The following ZNF280C variants were observed in gnomAD, a reference collection of about 807,000 sequenced individuals.
ZNF280C encodes the protein zinc finger protein 280C.
Under a neutral mutation model 53.6 loss-of-function variants are expected in ZNF280C, and 14 were observed. That is an observed-to-expected ratio of 0.26 (90% confidence interval 0.17 to 0.41). The LOEUF (loss-of-function observed/expected upper bound fraction) is 0.41. Ranked by LOEUF, ZNF280C falls within the 10% of genes least tolerant of loss-of-function variation. The probability of loss-of-function intolerance (pLI) is 1.00; values close to 1 mark genes in which losing one functional copy is unlikely to be tolerated. For missense variants in ZNF280C, 416 were observed against 547.1 expected (o/e 0.76, Z 2.39); for synonymous variants, 203 against 181.1 (o/e 1.12, Z -0.97).
chrX:130,211,291 A>T (rs1298820528), intron 15 of ZNF280C, among the ~76,000 whole-genome samples: 1 of 112,418 alleles, frequency 8.9e-6, no homozygotes, highest in Non-Finnish European at 1.9e-5. Context: ...CTGATCAGAT[A>T]CTTCACAGAG....
intron 2 of ZNF280C, among the ~76,000 whole-genome samples, chrX:130,251,282 CAAAAAAAAAA>C (rs61571389): frequency 1.3e-4 from 2 of 15,357 alleles, no homozygotes; most frequent in East Asian, 2.2e-3. Context: ...GGACCTGTCT[CAAAAAAAAAA>C]AAAAAAAAAA....
At chrX:130,231,315 C>T (rs766248829) in intron 8 of ZNF280C, among the ~76,000 whole-genome samples, 3 of 111,898 alleles carry the variant, frequency 2.7e-5, no homozygotes, top group Non-Finnish European at 3.8e-5. Context: ...AACCTAGGTG[C>T]CCATCAACAG....
chrX:130,212,007 G>A (rs895636696), intron 15 of ZNF280C, among the ~76,000 whole-genome samples: 1 of 111,824 alleles, frequency 8.9e-6, no homozygotes, highest in African/African-American at 3.3e-5. Flanking sequence ...GCTAGGGTCT[G>A]CTTTAGAGAA....
At chrX:130,252,503 C>T (rs961619549) in intron 2 of ZNF280C, among the ~76,000 whole-genome samples, 5 of 111,166 alleles carry the variant, frequency 4.5e-5, no homozygotes, top group East Asian at 2.8e-4. Context: ...GGGCGGATCA[C>T]GAGGTCAAGA....
intron 16 of ZNF280C, among the ~76,000 whole-genome samples, chrX:130,209,054 C>T (rs187851189): frequency 1.0e-3 from 116 of 112,157 alleles, no homozygotes; most frequent in Non-Finnish European, 1.9e-3. Context: ...GTTGGTCCAA[C>T]ATTATCCACA....
intron 8 of ZNF280C, among the ~76,000 whole-genome samples, chrX:130,232,772 G>A (rs1437144918): frequency 1.8e-5 from 2 of 112,021 alleles, no homozygotes; most frequent in African/African-American, 3.2e-5. Flanking sequence ...GAAGACATGG[G>A]AGGTTTCTCA....
intron 13 of ZNF280C, 64 bp from the exon 14 acceptor site, chrX:130,216,165 CATT>C: frequency 1.0e-6 from 1 of 979,447 alleles, no homozygotes; most frequent in Non-Finnish European, 1.4e-6. Flanking sequence ...TTAAAAATAT[CATT>C]GTAAGCCGTA....
rs376674883 is a variant in ZNF280C, at chrX:130,251,895, C to T, written c.32-4890G>A. On this transcript the variant is annotated intron_variant, in intron 2 of 18. Transcript: ENST00000370978. ...CTGGGAGGCCGGGGTGGGCGGATCA[C>T]TTGATGTCAAGAGTTTAAGACCAGC... 2.7e-4 allele frequency among the ~76,000 whole-genome samples: 30 copies of T among 111,670 alleles called. No homozygotes were observed. The East Asian group carries it at 7.6e-3, about 28-fold the overall frequency.
chrX:130,216,892 C>T (rs989340874), intron 13 of ZNF280C, among the ~76,000 whole-genome samples: 11 of 111,048 alleles, frequency 9.9e-5, no homozygotes, highest in East Asian at 2.8e-4. Flanking sequence ...CCCAGCTACT[C>T]GGGAGGCTGA....
At chrX:130,255,540 A>C in intron 2 of ZNF280C, among the ~76,000 whole-genome samples, 1 of 111,666 alleles carries the variant, frequency 9.0e-6, no homozygotes, top group East Asian at 2.8e-4. Flanking sequence ...AGGAAAATAC[A>C]AAAAAAATTC....
intron 1 of ZNF280C, among the ~76,000 whole-genome samples, chrX:130,261,892 A>G (rs2032634001): frequency 9.0e-6 from 1 of 111,008 alleles, no homozygotes; most frequent in Non-Finnish European, 1.9e-5. Flanking sequence ...AGCACGACTC[A>G]TCATCGCATA....
chrX:130,236,258 T>C lies in ZNF280C; in HGVS notation c.727A>G (p.Asn243Asp). 8.3e-7 allele frequency: 1 copy of C among 1,208,633 alleles called. No homozygotes were observed. The change falls in exon 8 of 19, where the codon AAT (asparagine) becomes GAT (aspartate). Residue 243 changes from asparagine (N) to aspartate (D), a missense_variant. Physicochemically the swap from Asn to Asp is conservative, Grantham distance 23. This residue lies in a region of ZNF280C where 193 missense variants were observed against 201.4 expected (regional missense o/e 0.96). Coordinates refer to ENST00000370978, the MANE Select transcript of ZNF280C (RefSeq NM_017666.5). ...ADYLRACPKC[N>D]VQFNLLDPLK... Reference sequence around the variant, plus strand: ...GGATCCAAAAGATTGAACTGAACATTGCACTTTGGACAAGCTCTTAGGTAA... The same window carrying C: ...GGATCCAAAAGATTGAACTGAACATCGCACTTTGGACAAGCTCTTAGGTAA...
At position 130,258,485 on chromosome X, in the gene ZNF280C, C is replaced by T. The variant is rs780850495; in HGVS notation, c.31+1934G>A. Among the ~76,000 whole-genome samples, 6 of 111,925 alleles carry T rather than the reference C, an allele frequency of 5.4e-5. 1 individual carries two copies. The South Asian group carries it at 2.2e-3, about 41-fold the overall frequency. ...TCTTCTATACAGATATGCCAGATATCATGGCTTGGCATAACATTGTTTGAT... is the reference window on the plus strand; with the variant it reads ...TCTTCTATACAGATATGCCAGATATTATGGCTTGGCATAACATTGTTTGAT... On this transcript the variant is annotated intron_variant, in intron 2 of 18. Transcript: ENST00000370978.
intron 12 of ZNF280C, among the ~76,000 whole-genome samples, chrX:130,226,498 C>A (rs145493068): frequency 9.0e-6 from 1 of 111,534 alleles, no homozygotes; most frequent in African/African-American, 3.3e-5. Context: ...CTATTTCTAG[C>A]TATCTTTCAG....
intron 2 of ZNF280C, among the ~76,000 whole-genome samples, chrX:130,252,621 G>A (rs1337734154): frequency 1.8e-5 from 2 of 110,580 alleles, no homozygotes; most frequent in Non-Finnish European, 3.8e-5. Context: ...TTGGGAGGCT[G>A]AGGCAGGAGA....
intron 16 of ZNF280C, among the ~76,000 whole-genome samples, chrX:130,208,482 GA>G (rs1034698617): frequency 1.8e-5 from 2 of 109,916 alleles, no homozygotes; most frequent in African/African-American, 6.6e-5. Context: ...CACTCAAGTT[GA>G]AAAAAAAGCA....
chrX:130,220,292 C>A (rs868277178), intron 13 of ZNF280C, 57 bp downstream of exon 13: 8 of 1,007,907 alleles, frequency 7.9e-6, no homozygotes, highest in Middle Eastern at 3.3e-4. Context: ...AAAAAAAAAA[C>A]ATAAAAAAAT....
intron 3 of ZNF280C, 125 bp from the exon 4 acceptor site, chrX:130,243,990 A>G (rs1295992721): frequency 1.2e-5 from 5 of 421,870 alleles, no homozygotes; most frequent in Non-Finnish European, 1.9e-5. Context: ...TTTAATGGTG[A>G]CAGGGTTGTG....
chrX:130,260,731 G>C (rs1404620209), intron 1 of ZNF280C, among the ~76,000 whole-genome samples: 1 of 111,672 alleles, frequency 9.0e-6, no homozygotes, highest in African/African-American at 3.3e-5. Context: ...TTTTGAGTTT[G>C]ATATGTTTAA....
Sources: gnomAD v4.1 joint callset for allele counts (sites outside exome capture counted in the v4.1 genomes callset) on GRCh38, gnomAD v4.1.1 for gene constraint, gnomAD v4.1.1 regional missense constraint, MANE v1.5 for transcripts, NCBI Gene and HGNC (gene_info 2026-07-23, HGNC 2026-07-21) for gene names.